The following NCKAP5 variants were observed in gnomAD, a reference collection of about 807,000 sequenced individuals.
NCKAP5 encodes nck-associated protein 5.
A neutral mutation model predicts 167.0 loss-of-function variants in NCKAP5; 92 were observed. That is an observed-to-expected ratio of 0.55 (90% CI 0.47 to 0.66). The LOEUF (loss-of-function observed/expected upper bound fraction) is 0.66. Ranked by LOEUF, NCKAP5 falls within the 30% of genes least tolerant of loss-of-function variation. NCKAP5 has a pLI of 0.00. For synonymous variants in NCKAP5, 891 were observed against 877.4 expected, an observed-to-expected ratio of 1.02 and a Z score of -0.27; for missense variants, 2,378 against 2,315.0, an observed-to-expected ratio of 1.03 and a Z score of -0.56.
rs759676581 is a variant in NCKAP5, at chr2:132,699,899, C to T, written c.5713+25728G>A. The stretch of plus-strand genomic sequence containing the variant: ...TTCTAGTTCTAGATCCCTGAGGAAT[C>T]GCCACACTGACTTCCACAATGGTTG... On this transcript the variant is annotated intron_variant, in intron 19 of 19. Coordinates refer to ENST00000409261, the MANE Select transcript of NCKAP5 (RefSeq NM_207363.3). 5.3e-5 allele frequency among the ~76,000 whole-genome samples: 8 copies of T among 152,304 alleles called. No homozygotes were observed. In the Middle Eastern group the frequency reaches 0.01, roughly 194 times the overall value.
At chr2:133,407,330 T>A (rs1258210038) in intron 3 of NCKAP5, among the ~76,000 whole-genome samples, 1 of 152,228 alleles carries the variant, frequency 6.6e-6, no homozygotes, top group Non-Finnish European at 1.5e-5. Context: ...GAAACCAAAC[T>A]AATCCTGGTC....
chr2:133,207,424 A>G (rs1400303307), intron 5 of NCKAP5, among the ~76,000 whole-genome samples: 1 of 152,186 alleles, frequency 6.6e-6, no homozygotes, highest in Non-Finnish European at 1.5e-5. Context: ...AATGTTAGGC[A>G]GTCACTGCAT....
intron 3 of NCKAP5, among the ~76,000 whole-genome samples, chr2:133,374,578 G>T (rs1475630955): frequency 1.3e-5 from 2 of 151,646 alleles, no homozygotes; most frequent in East Asian, 3.9e-4. Flanking sequence ...GTAGGGCAGT[G>T]GGTGGGGGAT....
chr2:133,154,948 G>A (rs1268283421), intron 5 of NCKAP5, among the ~76,000 whole-genome samples: 1 of 152,176 alleles, frequency 6.6e-6, no homozygotes, highest in African/African-American at 2.4e-5. Flanking sequence ...ACACACTTAG[G>A]CTCTATACCT....
At chr2:133,115,775 G>GTATATA (rs10683280) in intron 6 of NCKAP5, among the ~76,000 whole-genome samples, 4,990 of 93,458 alleles carry the variant, frequency 0.053, 195 homozygotes, top group Non-Finnish European at 0.069. Context: ...ATGTGTGTGT[G>GTATATA]TATATATATA....
intron 8 of NCKAP5, among the ~76,000 whole-genome samples, chr2:132,940,460 A>G (rs1346200282): frequency 1.3e-5 from 2 of 152,214 alleles, no homozygotes; most frequent in African/African-American, 4.8e-5. Context: ...CCAAATAGAA[A>G]GACATGGGGT....
chr2:133,498,431 A>AATGAAAGG (rs1452336570), intron 3 of NCKAP5, among the ~76,000 whole-genome samples: 17 of 118,932 alleles, frequency 1.4e-4, no homozygotes, highest in African/African-American at 5.3e-4. Flanking sequence ...GAATGAGAAA[A>AATGAAAGG]ACGGAAGGAA....
At chr2:133,072,111 T>C (rs138266428) in intron 6 of NCKAP5, among the ~76,000 whole-genome samples, 169 of 150,644 alleles carry the variant, frequency 1.1e-3, no homozygotes, top group Middle Eastern at 6.8e-3. Flanking sequence ...TGAGACTGAG[T>C]TTCACTCTTG....
At chr2:133,674,024 G>T in the NCKAP5 span, among the ~76,000 whole-genome samples, 1 of 152,310 alleles carries the variant, frequency 6.6e-6, no homozygotes, top group South Asian at 2.1e-4. Context: ...TATGATCCAA[G>T]AGCTGGGTAT....
At chr2:133,351,874 C>A (rs533389430) in intron 3 of NCKAP5, among the ~76,000 whole-genome samples, 6 of 152,338 alleles carry the variant, frequency 3.9e-5, no homozygotes, top group African/African-American at 1.2e-4. Context: ...CAGCTTATTG[C>A]AACAGCTTCC....
chr2:133,168,211 C>T (rs1056038022), intron 5 of NCKAP5, among the ~76,000 whole-genome samples: 3 of 152,068 alleles, frequency 2.0e-5, no homozygotes, highest in Non-Finnish European at 4.4e-5. Flanking sequence ...TTAATCACTA[C>T]CTTACGAATC....
intron 16 of NCKAP5, among the ~76,000 whole-genome samples, chr2:132,740,965 A>G (rs1372178880): frequency 6.6e-6 from 1 of 152,140 alleles, no homozygotes; most frequent in Admixed American, 6.6e-5. Context: ...AGTGACTCCA[A>G]TATTCTTTGT....
intron 3 of NCKAP5, among the ~76,000 whole-genome samples, chr2:133,384,196 C>T (rs554316183): frequency 7.2e-5 from 11 of 152,300 alleles, no homozygotes; most frequent in African/African-American, 2.6e-4. Context: ...TCAGGTCTAA[C>T]ATGTAAGTCT....
intron 11 of NCKAP5, among the ~76,000 whole-genome samples, chr2:132,829,774 A>G (rs1289753879): frequency 6.6e-6 from 1 of 152,166 alleles, no homozygotes; most frequent in African/African-American, 2.4e-5. Context: ...AAAGGTTCCC[A>G]GGTGATGCTG....
chr2:133,417,930 A>G (rs1219453961), intron 3 of NCKAP5, among the ~76,000 whole-genome samples: 3 of 152,242 alleles, frequency 2.0e-5, no homozygotes, highest in Non-Finnish European at 2.9e-5. Context: ...CATTTCAAAC[A>G]GGGAGCGTTG....
At chr2:133,270,913 T>G in intron 4 of NCKAP5, among the ~76,000 whole-genome samples, 1 of 103,268 alleles carries the variant, frequency 9.7e-6, no homozygotes, top group East Asian at 2.8e-4. Context: ...TTGCTTCAAA[T>G]TTTTTTTTTT....
intron 6 of NCKAP5, among the ~76,000 whole-genome samples, chr2:133,125,391 T>A (rs2082371555): frequency 6.6e-6 from 1 of 152,120 alleles, no homozygotes; most frequent in Non-Finnish European, 1.5e-5. Flanking sequence ...TGTCTTTACA[T>A]ACAAGGGAAG....
chr2:133,464,923 T>C (rs1692450116), intron 3 of NCKAP5, among the ~76,000 whole-genome samples: 1 of 151,910 alleles, frequency 6.6e-6, no homozygotes. Flanking sequence ...CATCTGTAAC[T>C]TGGGGCCAAT....
intron 3 of NCKAP5, among the ~76,000 whole-genome samples, chr2:133,513,048 C>A (rs1458520683): frequency 6.6e-6 from 1 of 152,174 alleles, no homozygotes; most frequent in African/African-American, 2.4e-5. Context: ...CCTGTATCAG[C>A]CAGGGAGACC....
Sources: gnomAD v4.1 joint callset for allele counts (sites outside exome capture counted in the v4.1 genomes callset) on GRCh38, gnomAD v4.1.1 for gene constraint, MANE v1.5 for transcripts, NCBI Gene and HGNC (gene_info 2026-07-23, HGNC 2026-07-21) for gene names.